NPLOC4: variants seen among roughly 807,000 people sequenced by gnomAD.
NPLOC4 encodes NPL4 homolog, ubiquitin recognition factor.
A neutral mutation model predicts 80.6 loss-of-function variants in NPLOC4; 18 were observed. That is an observed-to-expected ratio of 0.22 (90% confidence interval 0.15 to 0.33). The LOEUF is 0.33. Ranked by LOEUF, NPLOC4 falls within the 10% of genes least tolerant of loss-of-function variation. The probability of loss-of-function intolerance (pLI) is 1.00; values close to 1 mark genes in which losing one functional copy is unlikely to be tolerated. For synonymous variants in NPLOC4, 313 were observed against 301.5 expected (o/e 1.04, Z -0.39); for missense variants, 540 against 786.1 (o/e 0.69, Z 3.74).
chr17:81,569,197 C>T, intron 13 of NPLOC4, 86 bp from the exon 14 acceptor site: 1 of 817,530 alleles, frequency 1.2e-6, no homozygotes, highest in South Asian at 1.4e-5. Flanking sequence ...TCTCCCAGAG[C>T]CCAAATTAAC....
rs149496536 is a variant in NPLOC4, at chr17:81,636,104, C to T, written c.15+812G>A. On this transcript the variant is annotated intron_variant, in intron 1 of 16. Coordinates refer to ENST00000331134, the MANE Select transcript of NPLOC4 (RefSeq NM_017921.4). ...TCTCCTGCCTCAGCCTCCCAAGTAT[C>T]TGGGATTACAGTGCGCCATGACGCC... is the stretch of plus-strand genomic sequence containing the variant. Among the ~76,000 whole-genome samples, 837 of 152,116 alleles carry T rather than the reference C, an allele frequency of 5.5e-3. 11 individuals carry two copies. Among genetic ancestry groups the T allele is most frequent in the African/African-American group, 0.019 (786 of 41,486 alleles).
At chr17:81,603,634 C>T (rs560439388) in intron 8 of NPLOC4, among the ~76,000 whole-genome samples, 2 of 152,194 alleles carry the variant, frequency 1.3e-5, no homozygotes, top group South Asian at 2.1e-4. Flanking sequence ...TTCTAACATA[C>T]AGCTAATTTA....
chr17:81,596,830 G>A (rs1242831649), intron 10 of NPLOC4, among the ~76,000 whole-genome samples: 3 of 152,276 alleles, frequency 2.0e-5, no homozygotes, highest in Admixed American at 6.5e-5. Flanking sequence ...AATGGGGCCT[G>A]AGGGCTGGGC....
intron 11 of NPLOC4, among the ~76,000 whole-genome samples, chr17:81,591,058 T>C (rs62074667): frequency 0.083 from 12,556 of 152,150 alleles, 588 homozygotes; most frequent in Middle Eastern, 0.17. Flanking sequence ...ACTGAAAGAA[T>C]GCAGGGCTCA....
intron 3 of NPLOC4, among the ~76,000 whole-genome samples, chr17:81,615,261 A>G (rs2035449974): frequency 6.6e-6 from 1 of 151,700 alleles, no homozygotes; most frequent in Admixed American, 6.6e-5. Flanking sequence ...CACCACGCCC[A>G]GATACTTTTT....
chr17:81,606,582 G>T, intron 7 of NPLOC4, 109 bp downstream of exon 7: 2 of 1,191,734 alleles, frequency 1.7e-6, no homozygotes, highest in Non-Finnish European at 1.2e-6. Flanking sequence ...AAAAAGTACT[G>T]AAAATCCACC....
chr17:81,623,175 C>A (rs546717242), intron 2 of NPLOC4, among the ~76,000 whole-genome samples: 1 of 151,700 alleles, frequency 6.6e-6, no homozygotes, highest in Non-Finnish European at 1.5e-5. Flanking sequence ...GCTTGGGCAA[C>A]AAGAGCAAAA....
chr17:81,582,382 T>A (rs1372944519), intron 12 of NPLOC4, among the ~76,000 whole-genome samples: 2 of 152,204 alleles, frequency 1.3e-5, no homozygotes, highest in African/African-American at 4.8e-5. Context: ...CCTAAGCATC[T>A]AGCGGTGTTC....
In NPLOC4 at chr17:81,610,196, G is replaced by C. The variant is rs776109703; in HGVS notation, c.435+14C>G. 1 of 1,567,034 alleles carries C rather than the reference G, an allele frequency of 6.4e-7. No individual in the cohort carries two copies. The highest frequency in any genetic ancestry group is 8.6e-7 in the Non-Finnish European group (1 of 1,156,426). ...CCCACACTGGCCCAGAACTTACTCC[G>C]CAGAGACTCTCACCTCTAGAGGGAC... On this transcript the variant is annotated intron_variant, in intron 5 of 16. Coordinates refer to ENST00000331134, the MANE Select transcript of NPLOC4 (RefSeq NM_017921.4).
intron 3 of NPLOC4, among the ~76,000 whole-genome samples, chr17:81,621,426 G>A (rs1007013652): frequency 3.9e-5 from 6 of 152,220 alleles, no homozygotes; most frequent in African/African-American, 1.4e-4. Flanking sequence ...GCAGGTCCCA[G>A]GCCCACCACT....
rs764298862 is a variant in NPLOC4 at position 81,572,044 on chromosome 17, G to A, written c.1326C>T (p.Pro442=). The change falls in exon 13 of 17, where the codon CCC becomes CCT. Residue 442 remains proline (P), a synonymous_variant. Coordinates refer to ENST00000331134, the MANE Select transcript of NPLOC4 (RefSeq NM_017921.4). The surrounding 1 kb of genome is among the most constrained non-coding windows in gnomAD (Gnocchi z 4.5). ...FGNEITQLAR[P]LPVEYLIIDI... Reference sequence around the variant, plus strand: ...CTATGATGAGATACTCCACAGGCAGGGGCCGGGCCAGCTGGGTGATCTCGT... The same window carrying A: ...CTATGATGAGATACTCCACAGGCAGAGGCCGGGCCAGCTGGGTGATCTCGT... The A allele has an allele frequency of 3.1e-6, 5 of 1,607,516 alleles. No individual in the cohort carries two copies. Among genetic ancestry groups the A allele is most frequent in the Non-Finnish European group, 4.3e-6 (5 of 1,176,296 alleles).
intron 15 of NPLOC4, 135 bp from the exon 16 acceptor site, chr17:81,565,742 TAAA>T (rs1367494895): frequency 1.5e-6 from 1 of 657,748 alleles, no homozygotes; most frequent in African/African-American, 1.8e-5. Context: ...GCTATCACTA[TAAA>T]ATGCAAACTG....
chr17:81,584,940 G>A (rs1325111813), intron 12 of NPLOC4, among the ~76,000 whole-genome samples: 1 of 152,056 alleles, frequency 6.6e-6, no homozygotes, highest in East Asian at 1.9e-4. Context: ...GCCGAGGTGG[G>A]CAGATTGCCT....
chr17:81,625,703 C>T (rs1490317240), intron 2 of NPLOC4, among the ~76,000 whole-genome samples: 1 of 151,848 alleles, frequency 6.6e-6, no homozygotes, highest in East Asian at 1.9e-4. Context: ...TGCACTCCAG[C>T]CTGAGCGACA....
At chr17:81,560,578 G>T (rs979031097) in intron 16 of NPLOC4, 1 of 152,096 alleles carries the variant, frequency 6.6e-6, no homozygotes, top group African/African-American at 2.4e-5. Context: ...GTGGTGGTGC[G>T]CACCTGTAAT....
intron 12 of NPLOC4, among the ~76,000 whole-genome samples, chr17:81,581,375 A>AAAAAATC (rs1555680405): frequency 1.4e-5 from 1 of 72,810 alleles, no homozygotes; most frequent in African/African-American, 4.7e-5. Context: ...AAAAAAAAAA[A>AAAAAATC]AGTTAATAAA....
At chr17:81,625,450 G>C (rs986253969) in intron 2 of NPLOC4, among the ~76,000 whole-genome samples, 7 of 152,180 alleles carry the variant, frequency 4.6e-5, no homozygotes, top group Non-Finnish European at 2.9e-5. Context: ...CAAATAAAAG[G>C]AATGTGAATC....
intron 16 of NPLOC4, among the ~76,000 whole-genome samples, chr17:81,561,487 T>G (rs1471795608): frequency 6.6e-6 from 1 of 152,268 alleles, no homozygotes; most frequent in Non-Finnish European, 1.5e-5. Flanking sequence ...CCTATTTTTA[T>G]GCCAGTGTTT....
chr17:81,632,282 T>C (rs1419185195), intron 1 of NPLOC4, among the ~76,000 whole-genome samples: 1 of 151,720 alleles, frequency 6.6e-6, no homozygotes, highest in Non-Finnish European at 1.5e-5. Context: ...GCCTAGCTGA[T>C]TTTTTATAGT....
Sources: gnomAD v4.1 joint callset for allele counts (sites outside exome capture counted in the v4.1 genomes callset) on GRCh38, gnomAD v4.1.1 for gene constraint, Gnocchi (gnomAD v3.1) non-coding constraint, MANE v1.5 for transcripts, NCBI Gene and HGNC (gene_info 2026-07-23, HGNC 2026-07-21) for gene names.